The following COPB1 variants were observed in gnomAD, a reference collection of about 807,000 sequenced individuals.
The protein encoded by COPB1 is coat protein complex I subunit beta 1.
In COPB1, 21 loss-of-function variants were observed where a neutral mutation model predicts 108.7. That is an observed-to-expected ratio of 0.19 (90% confidence interval 0.14 to 0.28). COPB1 has a LOEUF of 0.28. Ranked by LOEUF, COPB1 falls within the 10% of genes least tolerant of loss-of-function variation. COPB1 has a pLI of 1.00. For synonymous variants in COPB1, 378 were observed against 386.8 expected (o/e 0.98, Z 0.27); for missense variants, 919 against 1,141.3 (o/e 0.81, Z 2.81).
intron 20 of COPB1, 70 bp downstream of exon 20, chr11:14,460,138 G>A: frequency 1.1e-6 from 1 of 920,428 alleles, no homozygotes; most frequent in South Asian, 1.4e-5. Context: ...TGTGCTAGAG[G>A]AAATACAGGA....
intron 13 of COPB1, among the ~76,000 whole-genome samples, chr11:14,475,300 G>C (rs1370791530): frequency 6.6e-6 from 1 of 151,994 alleles, no homozygotes; most frequent in African/African-American, 2.4e-5. Flanking sequence ...TATCTCAAAG[G>C]CTTATTGTCA....
At chr11:14,495,313 G>A (rs916133869) in intron 2 of COPB1, among the ~76,000 whole-genome samples, 2 of 152,062 alleles carry the variant, frequency 1.3e-5, no homozygotes, top group African/African-American at 4.8e-5. Context: ...GGGAAGGGGA[G>A]AACAAAGAAT....
chr11:14,490,455 C>T (rs1399060817), intron 5 of COPB1, 110 bp downstream of exon 5: 13 of 597,180 alleles, frequency 2.2e-5, no homozygotes, highest in African/African-American at 1.3e-4. Context: ...ATACACAAAC[C>T]ACATGAACTA....
rs758476896 is a variant in COPB1, at chr11:14,490,658, A to G, written c.513T>C (p.Pro171=). Residue 171 remains proline, a synonymous_variant, in exon 5 of 22, where the codon CCT becomes CCC. Transcript: ENST00000439561. ...TIYRNFEHLI[P]DAPELIHDFL... ...AATCATGTATCAGTTCAGGAGCATC[A>G]GGTATAAGATGTTCAAAATTTCTTT... 3 of 1,605,160 alleles carry G rather than the reference A, an allele frequency of 1.9e-6. No homozygotes were observed. Among genetic ancestry groups the G allele is most frequent in the Non-Finnish European group, 2.5e-6 (3 of 1,176,880 alleles).
In COPB1 at chr11:14,488,476, AG is replaced by A. The variant is rs764399683; in HGVS notation, c.699+15del. ...CTGCTGAGTTTATTTTACTCATCAT[AG>A]ATTATCATTCTTACCTTATAAATCA... On this transcript the variant is annotated intron_variant, in intron 6 of 21. Transcript: ENST00000439561. The A allele has an allele frequency of 3.2e-6, 5 of 1,547,092 alleles. No individual in the cohort carries two copies. The African/African-American group carries it at 6.8e-5, about 21-fold the overall frequency.
At chr11:14,473,719 T>C (rs571273051) in intron 14 of COPB1, among the ~76,000 whole-genome samples, 2 of 152,210 alleles carry the variant, frequency 1.3e-5, no homozygotes, top group East Asian at 1.9e-4. Context: ...ATGAAAAAGT[T>C]TGAAATATTG....
intron 6 of COPB1, 68 bp from the exon 7 acceptor site, chr11:14,486,572 T>C: frequency 1.3e-6 from 2 of 1,580,524 alleles, no homozygotes; most frequent in Middle Eastern, 1.7e-4. Flanking sequence ...AGTTTTTTCA[T>C]GAATGTCAGC....
intron 18 of COPB1, 128 bp from the exon 19 acceptor site, chr11:14,461,459 A>G (rs1850148225): frequency 1.1e-6 from 1 of 901,474 alleles, no homozygotes; most frequent in Non-Finnish European, 1.6e-6. Flanking sequence ...CTTATTATGT[A>G]CAGAGCTCTA....
chr11:14,488,427 G>T, intron 6 of COPB1, 65 bp downstream of exon 6: 2 of 874,390 alleles, frequency 2.3e-6, no homozygotes, highest in Non-Finnish European at 1.8e-6. Context: ...ATCCCAGAAA[G>T]AAAGTATTTA....
At chr11:14,488,890 G>C (rs1850833918) in intron 5 of COPB1, among the ~76,000 whole-genome samples, 1 of 152,144 alleles carries the variant, frequency 6.6e-6, no homozygotes, top group Admixed American at 6.5e-5. Flanking sequence ...CAGCTGCTTA[G>C]GTGTATAGTT....
At chr11:14,477,074 T>C (rs1850536891) in intron 11 of COPB1, 59 bp from the exon 12 acceptor site, 2 of 1,182,724 alleles carry the variant, frequency 1.7e-6, no homozygotes, top group East Asian at 2.3e-5. Flanking sequence ...AGCAGAGATC[T>C]TTCTTTGTTA....
intron 4 of COPB1, 113 bp from the exon 5 acceptor site, chr11:14,490,792 CTTTTT>C (rs375723824): frequency 2.4e-5 from 12 of 492,672 alleles, no homozygotes; most frequent in African/African-American, 1.5e-4. Flanking sequence ...CATACTTTTG[CTTTTT>C]TTTTTTTTTG....
chr11:14,491,194 G>A (rs1416983459), intron 4 of COPB1, among the ~76,000 whole-genome samples: 2 of 152,014 alleles, frequency 1.3e-5, no homozygotes, highest in African/African-American at 4.8e-5. Context: ...ACAGGCACGT[G>A]CCACCATGCC....
At chr11:14,497,343 G>A (rs376304810) in intron 2 of COPB1, among the ~76,000 whole-genome samples, 1 of 148,850 alleles carries the variant, frequency 6.7e-6, no homozygotes. Context: ...AACTCTACAG[G>A]AAAAAAAAAA....
intron 4 of COPB1, 104 bp from the exon 5 acceptor site, chr11:14,490,783 A>C: frequency 4.7e-6 from 3 of 636,068 alleles, no homozygotes; most frequent in Admixed American, 3.4e-5. Context: ...ACTTTACAAC[A>C]TACTTTTGCT....
At chr11:14,496,903 A>T (rs1265316881) in intron 2 of COPB1, among the ~76,000 whole-genome samples, 1 of 152,232 alleles carries the variant, frequency 6.6e-6, no homozygotes, top group Non-Finnish European at 1.5e-5. Flanking sequence ...ATACACCTAC[A>T]GTGAACTCAT....
At chr11:14,477,389 C>CAAAAAAAAAAAAAAAAAA (rs61014253) in intron 11 of COPB1, among the ~76,000 whole-genome samples, 863 of 73,152 alleles carry the variant, frequency 0.012, 82 homozygotes, top group East Asian at 0.018. Context: ...GACTCCGTCT[C>CAAAAAAAAAAAAAAAAAA]AAAAAAAAAA....
chr11:14,497,417 T>C (rs1362545129), intron 2 of COPB1, among the ~76,000 whole-genome samples: 1 of 151,768 alleles, frequency 6.6e-6, no homozygotes, highest in Admixed American at 6.6e-5. Flanking sequence ...GACATACAAT[T>C]GGCAAACAGG....
chr11:14,470,007 T>C (rs991750057), intron 14 of COPB1, among the ~76,000 whole-genome samples: 1 of 152,252 alleles, frequency 6.6e-6, no homozygotes, highest in Non-Finnish European at 1.5e-5. Flanking sequence ...AGCATTCATC[T>C]CCTAAGAGTC....
Sources: allele counts gnomAD v4.1 joint callset (sites outside exome capture counted in the v4.1 genomes callset), GRCh38; gene constraint gnomAD v4.1.1; transcripts MANE v1.5; gene names NCBI Gene and HGNC (gene_info 2026-07-23, HGNC 2026-07-21).